BOD1L1: variants seen among roughly 807,000 people sequenced by gnomAD.
BOD1L1 encodes the protein biorientation of chromosomes in cell division 1 like 1.
Under a neutral mutation model 240.7 loss-of-function variants are expected in BOD1L1, and 86 were observed. The ratio of observed to expected loss-of-function variants is 0.36; its 90% CI spans 0.30 to 0.43. The LOEUF (loss-of-function observed/expected upper bound fraction) is 0.43. Among genes scored for constraint, BOD1L1 ranks in the 20% least tolerant of loss-of-function variants. The probability of loss-of-function intolerance (pLI) is 1.00; values close to 1 mark genes in which losing one functional copy is unlikely to be tolerated. For missense variants in BOD1L1, 3,554 were observed against 3,643.5 expected, an observed-to-expected ratio of 0.98 and a Z score of 0.63; for synonymous variants, 1,268 against 1,272.3, an observed-to-expected ratio of 1.00 and a Z score of 0.07.
intron 8 of BOD1L1, among the ~76,000 whole-genome samples, chr4:13,608,188 C>A (rs1229778842): frequency 1.3e-5 from 2 of 152,008 alleles, no homozygotes; most frequent in African/African-American, 2.4e-5. Flanking sequence ...TACTGAACAC[C>A]AACAAGAGGA....
At chr4:13,573,918 C>G (rs1193447563) in intron 25 of BOD1L1, among the ~76,000 whole-genome samples, 1 of 152,144 alleles carries the variant, frequency 6.6e-6, no homozygotes, top group Non-Finnish European at 1.5e-5. Context: ...CTCAAGCAAT[C>G]TTCCTGCCTC....
At chr4:13,593,916 C>A (rs1427923923) in intron 12 of BOD1L1, among the ~76,000 whole-genome samples, 1 of 152,184 alleles carries the variant, frequency 6.6e-6, no homozygotes, top group East Asian at 1.9e-4. Context: ...AAGCTACATT[C>A]CTCTGGTCAC....
At chr4:13,588,196 AAAAAAAG>A (rs1330374895) in intron 15 of BOD1L1, among the ~76,000 whole-genome samples, 1 of 151,626 alleles carries the variant, frequency 6.6e-6, no homozygotes, top group Non-Finnish European at 1.5e-5. Context: ...AAAAAAAAAA[AAAAAAAG>A]AAAAAAAAAT....
At chr4:13,618,978 G>T in intron 2 of BOD1L1, among the ~76,000 whole-genome samples, 1 of 151,628 alleles carries the variant, frequency 6.6e-6, no homozygotes, top group East Asian at 1.9e-4. Flanking sequence ...TTTTTTTGAG[G>T]GGTATAGCAA....
At chr4:13,572,131 G>T (rs1257821261) in intron 25 of BOD1L1, among the ~76,000 whole-genome samples, 1 of 152,206 alleles carries the variant, frequency 6.6e-6, no homozygotes, top group African/African-American at 2.4e-5. Context: ...GGCATCTCAA[G>T]TGCCCAGTAC....
Position 13,602,226 on chromosome 4 carries a change from C to A in BOD1L1, c.4674G>T (p.Glu1558Asp). The A allele has an allele frequency of 1.9e-6, 3 of 1,613,800 alleles. No homozygotes were observed. The highest frequency in any genetic ancestry group is 2.5e-6 in the Non-Finnish European group (3 of 1,179,784). ...SEVALPCTSI[E>D]ADEGLIIGTH... ...TTCCTATTATGAGGCCTTCATCTGC[C>A]TCAATGCTGGTGCAAGGCAAAGCCA... Residue 1558 changes from glutamate (E) to aspartate (D), a missense_variant, in exon 10 of 26, where the codon GAG becomes GAT. By Grantham distance (45) the Glu-to-Asp change is conservative. Around this residue, in one of 2 missense-constraint regions of BOD1L1, gnomAD observed 3,393 missense variants for 3,427.1 expected, o/e 0.99. Transcript: ENST00000040738.
At position 13,603,785 on chromosome 4, in the gene BOD1L1, T is replaced by G. The variant is rs555796043; in HGVS notation, c.3115A>C (p.Lys1039Gln). The G allele has an allele frequency of 3.7e-6, 6 of 1,613,552 alleles. No individual in the cohort carries two copies. In the Admixed American group the frequency reaches 8.3e-5, roughly 22 times the overall value. Reference sequence around the variant, plus strand: ...TCTTTACCATCCTTGTCATCTGATTTATTTTCGTCCTTCTTTTTTATGTCT... The same window carrying G: ...TCTTTACCATCCTTGTCATCTGATTGATTTTCGTCCTTCTTTTTTATGTCT... ...SKDIKKKDENKSDDKDGKEVD... is the reference protein window; with the variant it reads ...SKDIKKKDENQSDDKDGKEVD... Residue 1039 changes from lysine (K) to glutamine (Q), a missense_variant, in exon 10 of 26, where the codon AAA (lysine) becomes CAA (glutamine). Physicochemically the swap from Lys to Gln is moderately conservative, Grantham distance 53. Transcript: ENST00000040738.
chr4:13,568,931 A>G lies in BOD1L1; in HGVS notation c.*1080T>C, dbSNP rs866189410. The G allele has an allele frequency of 2.6e-5, 4 of 152,204 alleles. No homozygotes were observed. The highest frequency in any genetic ancestry group is 9.6e-5 in the African/African-American group (4 of 41,466). The allele number at this position is 152,204 out of a possible 1,614,324, so 9.4% of individuals were successfully genotyped here. On this transcript the variant is annotated 3_prime_UTR_variant, in exon 26 of 26. Coordinates refer to ENST00000040738, the MANE Select transcript of BOD1L1 (RefSeq NM_148894.3). ...TCTCAATTATTTGGCAACTCATCAC[A>G]TCATTGCAAGAGACAAATTTGATCG...
In BOD1L1 at chr4:13,603,008, G is replaced by A. The variant is rs761732967; in HGVS notation, c.3892C>T (p.Pro1298Ser). The change falls in exon 10 of 26, where the codon CCA becomes TCA. Residue 1298 changes from proline to serine, a missense_variant. Around this residue, in one of 2 missense-constraint regions of BOD1L1, gnomAD observed 3,393 missense variants for 3,427.1 expected, o/e 0.99. Transcript: ENST00000040738. ...TVVPLRESYD[P>S]DVIPLFDKRT... Reference sequence around the variant, plus strand: ...TTGTCAAACAGAGGAATTACATCTGGATCATACGATTCCCTCAGAGGCACA... The same window carrying A: ...TTGTCAAACAGAGGAATTACATCTGAATCATACGATTCCCTCAGAGGCACA... The A allele has an allele frequency of 3.1e-6, 5 of 1,613,976 alleles. No individual in the cohort carries two copies. Among genetic ancestry groups the A allele is most frequent in the Non-Finnish European group, 3.4e-6 (4 of 1,179,878 alleles).
chr4:13,604,748 T>G lies in BOD1L1; in HGVS notation c.2152A>C (p.Lys718Gln). ...TCCTTGGAGGATTTCACCTCTTTCTTAAGTAGGCTTTTCAAATGTGGTGTT... is the reference window on the plus strand; with the variant it reads ...TCCTTGGAGGATTTCACCTCTTTCTGAAGTAGGCTTTTCAAATGTGGTGTT... ...SETPHLKSLL[K>Q]KEVKSSKEKP... Residue 718 changes from lysine to glutamine, a missense_variant, in exon 10 of 26, where the codon AAG (lysine) becomes CAG (glutamine). Lys to Gln is a moderately conservative substitution (Grantham distance 53). Coordinates refer to ENST00000040738, the MANE Select transcript of BOD1L1 (RefSeq NM_148894.3). 6.2e-7 allele frequency: 1 copy of G among 1,613,092 alleles called. No individual in the cohort carries two copies. Among genetic ancestry groups the G allele is most frequent in the South Asian group, 1.1e-5 (1 of 90,672 alleles).
intron 1 of BOD1L1, 65 bp from the exon 2 acceptor site, chr4:13,620,132 A>G: frequency 1.4e-6 from 2 of 1,455,806 alleles, no homozygotes; most frequent in Non-Finnish European, 1.8e-6. Flanking sequence ...CCTCTCAGAA[A>G]AGTATTTTTA....
Position 13,615,440 on chromosome 4 carries a change from T to C in BOD1L1, c.431A>G (p.Asn144Ser), listed in dbSNP as rs1019359483. 2 of 1,613,678 alleles carry C rather than the reference T, an allele frequency of 1.2e-6. No homozygotes were observed. The highest frequency in any genetic ancestry group is 1.7e-5 in the Admixed American group (1 of 59,988). Residue 144 changes from asparagine to serine, a missense_variant, in exon 3 of 26, where the codon AAC (asparagine) becomes AGC (serine). This residue lies in a region of BOD1L1 where 161 missense variants were observed against 216.4 expected (regional missense o/e 0.74). Transcript: ENST00000040738. ...CTCTACCTGAGGTCTGAATGTGTGG[T>C]TGATCTTTGGGTCCACAACCTGAGA... Reference protein sequence around the residue: ...IISQVVDPKINHTFRPQVEKA... With the variant: ...IISQVVDPKISHTFRPQVEKA...
chr4:13,581,008 G>C lies in BOD1L1; in HGVS notation c.8703+12C>G. 6.4e-7 allele frequency: 1 copy of C among 1,569,224 alleles called. No homozygotes were observed. Among genetic ancestry groups the C allele is most frequent in the Admixed American group, 1.9e-5 (1 of 53,754 alleles). ...CAAGTATTTGAAATTGTCATGTTTT[G>C]CAATTACTTACAGTGACAATGCCAG... On this transcript the variant is annotated intron_variant, in intron 21 of 25. Coordinates refer to ENST00000040738, the MANE Select transcript of BOD1L1 (RefSeq NM_148894.3).
Position 13,604,639 on chromosome 4 carries a change from C to T in BOD1L1, c.2261G>A (p.Gly754Asp). 6.3e-7 allele frequency: 1 copy of T among 1,579,240 alleles called. No homozygotes were observed. The highest frequency in any genetic ancestry group is 8.5e-7 in the Non-Finnish European group (1 of 1,170,136). The change falls in exon 10 of 26, where the codon GGT (glycine) becomes GAT (aspartate). Residue 754 changes from glycine to aspartate, a missense_variant. Around this residue, in one of 2 missense-constraint regions of BOD1L1, gnomAD observed 3,393 missense variants for 3,427.1 expected, o/e 0.99. Transcript: ENST00000040738. ...KYKGDCMHKT[G>D]DETELHSSEK... Reference sequence around the variant, plus strand: ...AGAAGAGTGAAGCTCAGTCTCATCACCTGTTTTATGCATACAATCACCTTT... The same window carrying T: ...AGAAGAGTGAAGCTCAGTCTCATCATCTGTTTTATGCATACAATCACCTTT...
Position 13,576,942 on chromosome 4 carries a change from C to T in BOD1L1, c.8934G>A (p.Val2978=). The change falls in exon 25 of 26, where the codon GTG becomes GTA. Residue 2978 remains valine (V), a synonymous_variant. Coordinates refer to ENST00000040738, the MANE Select transcript of BOD1L1 (RefSeq NM_148894.3). ...CAGACTCCTGCTCTTTCTTGTCCTC[C>T]ACTGGATCAGAAACTGATTTCTGGC... ...RKRQKSVSDP[V]EDKKEQESDE... is the part of the protein sequence containing the mutation. 1.9e-6 allele frequency: 3 copies of T among 1,613,924 alleles called. No individual in the cohort carries two copies. The highest frequency in any genetic ancestry group is 1.7e-6 in the Non-Finnish European group (2 of 1,179,848).
chr4:13,578,376 CAA>C (rs1282419049), intron 22 of BOD1L1, among the ~76,000 whole-genome samples: 1 of 152,206 alleles, frequency 6.6e-6, no homozygotes, highest in East Asian at 1.9e-4. Flanking sequence ...TTCTAGAATC[CAA>C]AACTTTTTGA....
At chr4:13,581,260 T>G (rs919388407) in intron 19 of BOD1L1, 53 bp from the exon 20 acceptor site, 2 of 1,256,776 alleles carry the variant, frequency 1.6e-6, no homozygotes, top group African/African-American at 3.1e-5. Flanking sequence ...ATTTTATCCT[T>G]TATTATATAA....
At chr4:13,595,105 G>A (rs1714517247) in intron 12 of BOD1L1, among the ~76,000 whole-genome samples, 1 of 152,190 alleles carries the variant, frequency 6.6e-6, no homozygotes, top group South Asian at 2.1e-4. Flanking sequence ...TCACTTAATT[G>A]GGTTTTTTGG....
In BOD1L1 at chr4:13,609,282, T is replaced by C; in HGVS notation, c.1603+13A>G. 2 of 1,430,984 alleles carry C rather than the reference T, an allele frequency of 1.4e-6. No individual in the cohort carries two copies. Among genetic ancestry groups the C allele is most frequent in the Non-Finnish European group, 9.3e-7 (1 of 1,080,972 alleles). 88.6% of individuals were successfully genotyped at this position (1,430,984 alleles called of 1,614,324 possible). A position where few individuals can be genotyped will look rare whatever the true frequency, so the allele number is the denominator to read the frequency against. On this transcript the variant is annotated intron_variant, in intron 7 of 25. Coordinates refer to ENST00000040738, the MANE Select transcript of BOD1L1 (RefSeq NM_148894.3). ...ATGAGATAGTTTAAAATATTAAAAG[T>C]TGACATCTATACCTTGACCCTTGGT...
Sources: gnomAD v4.1 joint callset for allele counts (sites outside exome capture counted in the v4.1 genomes callset) on GRCh38, gnomAD v4.1.1 for gene constraint, gnomAD v4.1.1 regional missense constraint, MANE v1.5 for transcripts, NCBI Gene and HGNC (gene_info 2026-07-23, HGNC 2026-07-21) for gene names.